IGSF21: variants seen among roughly 807,000 people sequenced by gnomAD.
IGSF21 encodes immunoglobin superfamily member 21.
In IGSF21, 28 loss-of-function variants were observed where a neutral mutation model predicts 46.8. That is an observed-to-expected ratio of 0.60 (90% CI 0.44 to 0.82). The LOEUF is 0.82. Ranked by LOEUF, IGSF21 falls within the 40% of genes least tolerant of loss-of-function variation. The pLI is 0.00. For synonymous variants in IGSF21, 284 were observed against 273.6 expected (o/e 1.04, Z -0.38); for missense variants, 624 against 665.5 (o/e 0.94, Z 0.69).
intron 1 of IGSF21, among the ~76,000 whole-genome samples, chr1:18,124,181 T>C (rs1285268970): frequency 1.3e-5 from 2 of 152,158 alleles, no homozygotes; most frequent in Admixed American, 6.5e-5. Flanking sequence ...GAAGCCAAAA[T>C]AGGGGTGTGG....
At chr1:18,289,265 C>T (rs2085244785) in intron 2 of IGSF21, among the ~76,000 whole-genome samples, 1 of 152,156 alleles carries the variant, frequency 6.6e-6, no homozygotes, top group South Asian at 2.1e-4. Flanking sequence ...AGACGGGCTG[C>T]CAGTTAAACA....
At chr1:18,113,873 T>C (rs2124400295) in intron 1 of IGSF21, 1 of 152,310 alleles carries the variant, frequency 6.6e-6, no homozygotes, top group African/African-American at 2.4e-5. Context: ...CTCAGTCCCG[T>C]GGGCTCTGAT....
intron 2 of IGSF21, among the ~76,000 whole-genome samples, chr1:18,273,982 G>T (rs1188859327): frequency 6.6e-6 from 1 of 152,162 alleles, no homozygotes; most frequent in Non-Finnish European, 1.5e-5. Context: ...TGTGTTGGGG[G>T]AAATCACTCG....
intron 2 of IGSF21, among the ~76,000 whole-genome samples, chr1:18,274,214 T>A (rs538282576): frequency 1.4e-3 from 220 of 152,352 alleles, no homozygotes; most frequent in Admixed American, 3.2e-3. Flanking sequence ...CAGGTATCTA[T>A]GGCAAAGGCC....
intron 1 of IGSF21, among the ~76,000 whole-genome samples, chr1:18,161,390 C>CT (rs2086621094): frequency 6.6e-6 from 1 of 152,098 alleles, no homozygotes; most frequent in African/African-American, 2.4e-5. Context: ...GTCACCAGCC[C>CT]AGGCCTGCCT....
intron 1 of IGSF21, among the ~76,000 whole-genome samples, chr1:18,215,776 C>G (rs1486427309): frequency 1.3e-5 from 2 of 152,076 alleles, no homozygotes; most frequent in East Asian, 3.9e-4. Flanking sequence ...GGACTTCATC[C>G]CAAAGGCAAC....
intron 3 of IGSF21, among the ~76,000 whole-genome samples, chr1:18,301,234 C>G: frequency 6.6e-6 from 1 of 152,354 alleles, no homozygotes; most frequent in Middle Eastern, 3.4e-3. Flanking sequence ...AGCTGTGGCA[C>G]TCCATGGGCC....
At chr1:18,117,999 G>A (rs1306587578) in intron 1 of IGSF21, among the ~76,000 whole-genome samples, 1 of 152,210 alleles carries the variant, frequency 6.6e-6, no homozygotes, top group Non-Finnish European at 1.5e-5. Flanking sequence ...TGAAGAGCCT[G>A]GCATGGGGAA....
intron 1 of IGSF21, among the ~76,000 whole-genome samples, chr1:18,133,493 T>C (rs944148743): frequency 4.6e-5 from 7 of 152,264 alleles, no homozygotes; most frequent in Admixed American, 1.3e-4. Flanking sequence ...TTACCCTTCA[T>C]GGCATTGTCC....
intron 4 of IGSF21, among the ~76,000 whole-genome samples, chr1:18,359,648 T>G (rs998818652): frequency 6.6e-6 from 1 of 152,182 alleles, no homozygotes; most frequent in African/African-American, 2.4e-5. Context: ...TTGGAATGTA[T>G]CCTGATACCT....
At chr1:18,203,141 A>G (rs1471923005) in intron 1 of IGSF21, among the ~76,000 whole-genome samples, 2 of 152,114 alleles carry the variant, frequency 1.3e-5, no homozygotes, top group Non-Finnish European at 1.5e-5. Context: ...TTTCTTATCA[A>G]TCTAGTTTTA....
chr1:18,303,067 C>T (rs1166031687), intron 3 of IGSF21, among the ~76,000 whole-genome samples: 1 of 152,080 alleles, frequency 6.6e-6, no homozygotes, highest in African/African-American at 2.4e-5. Flanking sequence ...TGGTGGGGGG[C>T]GTCTTGCCTG....
At chr1:18,377,564 T>C in intron 9 of IGSF21, 133 bp downstream of exon 9, 1 of 764,836 alleles carries the variant, frequency 1.3e-6, no homozygotes, top group Non-Finnish European at 2.3e-6. Flanking sequence ...CATTGCCCTC[T>C]AGTAGGGCAG....
At chr1:18,357,844 G>T (rs2086037523) in intron 4 of IGSF21, among the ~76,000 whole-genome samples, 2 of 151,998 alleles carry the variant, frequency 1.3e-5, no homozygotes, top group African/African-American at 4.8e-5. Context: ...TGATGGGGAG[G>T]GTGTGGGAAG....
At chr1:18,225,579 C>T (rs945718583) in intron 1 of IGSF21, among the ~76,000 whole-genome samples, 1 of 152,122 alleles carries the variant, frequency 6.6e-6, no homozygotes, top group Non-Finnish European at 1.5e-5. Context: ...GGAGGAGGAC[C>T]TTCATGAGCC....
intron 4 of IGSF21, among the ~76,000 whole-genome samples, chr1:18,360,210 C>T (rs1023694958): frequency 5.9e-5 from 9 of 152,096 alleles, no homozygotes; most frequent in Admixed American, 3.9e-4. Flanking sequence ...AGGTAATTGA[C>T]GTGTTCTGCT....
intron 3 of IGSF21, among the ~76,000 whole-genome samples, chr1:18,307,435 A>C (rs2085437452): frequency 6.6e-6 from 1 of 152,180 alleles, no homozygotes; most frequent in Non-Finnish European, 1.5e-5. Flanking sequence ...CGACTCATCT[A>C]TCCTCACAAT....
intron 2 of IGSF21, among the ~76,000 whole-genome samples, chr1:18,266,790 T>A (rs548996688): frequency 3.9e-4 from 60 of 152,316 alleles, no homozygotes; most frequent in African/African-American, 1.4e-3. Flanking sequence ...GGAACCCTTT[T>A]GCAATTCACT....
intron 3 of IGSF21, among the ~76,000 whole-genome samples, chr1:18,312,836 A>G (rs2085502134): frequency 6.6e-6 from 1 of 152,174 alleles, no homozygotes; most frequent in Non-Finnish European, 1.5e-5. Flanking sequence ...AGGCAGGAGG[A>G]TGCATTACAT....
Sources: allele counts gnomAD v4.1 joint callset (sites outside exome capture counted in the v4.1 genomes callset), GRCh38; gene constraint gnomAD v4.1.1; transcripts MANE v1.5; gene names NCBI Gene and HGNC (gene_info 2026-07-23, HGNC 2026-07-21).